The following TMEM132C variants were observed in gnomAD, a reference collection of about 807,000 sequenced individuals.
TMEM132C encodes transmembrane protein 132C, also known as protein phosphatase 1, regulatory subunit 152.
In TMEM132C, 29 loss-of-function variants were observed where a neutral mutation model predicts 61.4. That is an observed-to-expected ratio of 0.47 (90% CI 0.35 to 0.64). The LOEUF (loss-of-function observed/expected upper bound fraction) is 0.64, where lower values mean the gene tolerates loss of function less well. Ranked by LOEUF, TMEM132C falls within the 30% of genes least tolerant of loss-of-function variation. TMEM132C has a pLI of 0.00. For missense variants in TMEM132C, 1,408 were observed against 1,476.9 expected, an observed-to-expected ratio of 0.95 and a Z score of 0.76; for synonymous variants, 656 against 633.1, an observed-to-expected ratio of 1.04 and a Z score of -0.54.
chr12:128,491,849 GTTCT>G (rs1871739316), intron 2 of TMEM132C, among the ~76,000 whole-genome samples: 2 of 130,380 alleles, frequency 1.5e-5, no homozygotes, highest in Admixed American at 7.8e-5. Context: ...GGCTGTATCA[GTTCT>G]TTTTTTTTTT....
chr12:128,285,155 G>A (rs1871015784), intron 1 of TMEM132C, among the ~76,000 whole-genome samples: 1 of 151,946 alleles, frequency 6.6e-6, no homozygotes. Context: ...GAGGTAGGAG[G>A]GATAAGTTCC....
At chr12:128,308,162 G>A (rs989704741) in intron 1 of TMEM132C, among the ~76,000 whole-genome samples, 19 of 152,216 alleles carry the variant, frequency 1.2e-4, no homozygotes, top group Admixed American at 1.3e-4. Flanking sequence ...CATGCTGATG[G>A]AAGCAGCCTA....
intron 2 of TMEM132C, among the ~76,000 whole-genome samples, chr12:128,539,386 G>A (rs1349190170): frequency 6.6e-6 from 1 of 152,200 alleles, no homozygotes; most frequent in Admixed American, 6.5e-5. Context: ...AGAGGCCGAG[G>A]TGGGCGGATC....
intron 2 of TMEM132C, among the ~76,000 whole-genome samples, chr12:128,444,704 A>G (rs1869914075): frequency 6.6e-6 from 1 of 152,188 alleles, no homozygotes; most frequent in Non-Finnish European, 1.5e-5. Context: ...GTGGCAATAA[A>G]TATCTTCCCT....
At chr12:128,346,424 T>A (rs1207825363) in intron 1 of TMEM132C, among the ~76,000 whole-genome samples, 3 of 152,208 alleles carry the variant, frequency 2.0e-5, no homozygotes, top group Non-Finnish European at 2.9e-5. Flanking sequence ...AAAAATAGAT[T>A]TTTCTAGTTC....
At position 128,683,378 on chromosome 12, in the gene TMEM132C, C is replaced by T. The variant is rs570960684; in HGVS notation, c.1450-10451C>T. Among the ~76,000 whole-genome samples, 17 of 152,262 alleles carry T rather than the reference C, an allele frequency of 1.1e-4. 1 individual carries two copies. The highest frequency in any genetic ancestry group is 3.1e-4 in the African/African-American group (13 of 41,546). On this transcript the variant is annotated intron_variant, in intron 5 of 8. Coordinates refer to ENST00000435159, the MANE Select transcript of TMEM132C (RefSeq NM_001136103.3). ...TGCTCTCTCCCGGCATGACACCCTC[C>T]GCCTACTTCTCTGACCTTGTACTGC...
intron 4 of TMEM132C, among the ~76,000 whole-genome samples, chr12:128,662,752 T>C (rs1205411828): frequency 6.6e-6 from 1 of 152,172 alleles, no homozygotes; most frequent in African/African-American, 2.4e-5. Context: ...GCTTTTTTTT[T>C]CCTTTTTATT....
chr12:128,512,448 C>G (rs1010405756), intron 2 of TMEM132C, among the ~76,000 whole-genome samples: 1 of 152,146 alleles, frequency 6.6e-6, no homozygotes, highest in Non-Finnish European at 1.5e-5. Context: ...ATTCTCTCAG[C>G]TTTTTCATTG....
intron 4 of TMEM132C, among the ~76,000 whole-genome samples, chr12:128,636,388 A>G (rs1849903719): frequency 6.6e-6 from 1 of 152,154 alleles, no homozygotes; most frequent in Admixed American, 6.5e-5. Context: ...ATTGAGGTAT[A>G]ATTGATGTAT....
chr12:128,483,672 G>A (rs1871390102), intron 2 of TMEM132C, among the ~76,000 whole-genome samples: 1 of 152,138 alleles, frequency 6.6e-6, no homozygotes, highest in Non-Finnish European at 1.5e-5. Flanking sequence ...CAAAGCAATG[G>A]TGTATGGACA....
chr12:128,576,742 G>A lies in TMEM132C; in HGVS notation c.1121+32639G>A, dbSNP rs1022954790. 2.0e-5 allele frequency among the ~76,000 whole-genome samples: 3 copies of A among 152,350 alleles called. No individual in the cohort carries two copies. The East Asian group carries it at 5.8e-4, about 29-fold the overall frequency. ...ACCTAAGGGGTGGCAGAGTTTTGAA[G>A]GCAGGATTCTGACTCCCAGGCCCAT... On this transcript the variant is annotated intron_variant, in intron 3 of 8. Transcript: ENST00000435159.
chr12:128,318,386 A>T (rs916393340), intron 1 of TMEM132C, among the ~76,000 whole-genome samples: 1 of 152,210 alleles, frequency 6.6e-6, no homozygotes, highest in Non-Finnish European at 1.5e-5. Flanking sequence ...TACTGGCTAA[A>T]GGCCCATTAG....
chr12:128,340,835 CTCTCTCTT>C (rs550123564), intron 1 of TMEM132C, among the ~76,000 whole-genome samples: 104 of 133,178 alleles, frequency 7.8e-4, no homozygotes, highest in Admixed American at 1.6e-3. Flanking sequence ...GTCTTTCTCT[CTCTCTCTT>C]TCTCTCTTTC....
intron 3 of TMEM132C, among the ~76,000 whole-genome samples, chr12:128,609,342 G>T (rs2135579394): frequency 6.9e-6 from 1 of 144,018 alleles, no homozygotes; most frequent in East Asian, 2.1e-4. Context: ...AGGCTCAAGG[G>T]ATCCTCCCAC....
At chr12:128,338,866 G>A (rs762133511) in intron 1 of TMEM132C, among the ~76,000 whole-genome samples, 1 of 151,390 alleles carries the variant, frequency 6.6e-6, no homozygotes, top group Non-Finnish European at 1.5e-5. Context: ...GAGGAGGCAA[G>A]CCCAGGCTCC....
intron 4 of TMEM132C, among the ~76,000 whole-genome samples, chr12:128,664,212 ATGCCTGTGTGT>A (rs1954433643): frequency 2.2e-5 from 2 of 91,050 alleles, no homozygotes; most frequent in South Asian, 2.6e-4. Flanking sequence ...GCACACACAC[ATGCCTGTGTGT>A]GTTCCATGAA....
intron 3 of TMEM132C, among the ~76,000 whole-genome samples, chr12:128,601,662 G>A (rs981363726): frequency 1.9e-4 from 29 of 149,050 alleles, no homozygotes; most frequent in South Asian, 6.2e-4. Context: ...GGTGGAGGGC[G>A]CTTGGCGGGT....
intron 1 of TMEM132C, among the ~76,000 whole-genome samples, chr12:128,389,443 A>G (rs1252018300): frequency 6.6e-6 from 1 of 152,160 alleles, no homozygotes; most frequent in Non-Finnish European, 1.5e-5. Context: ...GTCAGAGCAC[A>G]TCATCTTTCT....
chr12:128,465,329 G>A (rs11059704), intron 2 of TMEM132C, among the ~76,000 whole-genome samples: 1 of 151,876 alleles, frequency 6.6e-6, no homozygotes, highest in Non-Finnish European at 1.5e-5. Context: ...CTCCCGAGTA[G>A]CTGGGATTAA....
Sources: allele counts gnomAD v4.1 joint callset (sites outside exome capture counted in the v4.1 genomes callset), GRCh38; gene constraint gnomAD v4.1.1; transcripts MANE v1.5; gene names NCBI Gene and HGNC (gene_info 2026-07-23, HGNC 2026-07-21).